Variants in SDK1 observed in about 807,000 individuals in gnomAD.
The protein encoded by SDK1 is sidekick cell adhesion molecule 1, also known as protein sidekick-1.
SDK1 carries 157 observed loss-of-function variants against 245.5 expected under a neutral mutation model. The observed-to-expected ratio is 0.64, with a 90% CI of 0.56 to 0.73. The LOEUF is 0.73. Among genes scored for constraint, SDK1 ranks in the 30% least tolerant of loss-of-function variants. SDK1 has a pLI of 0.00. For synonymous variants in SDK1, 1,647 were observed against 1,278.5 expected (o/e 1.29, Z -6.15); for missense variants, 3,583 against 3,002.3 (o/e 1.19, Z -4.52).
rs146032449 is a variant in SDK1 at position 3,642,470 on chromosome 7, C to T, written c.713+365C>T. Reference sequence around the variant, plus strand: ...TTTAATGAGTGCTGGTATTTACTTACAGTGCTGTGGGGTTTTTTTTCCCCC... The same window carrying T: ...TTTAATGAGTGCTGGTATTTACTTATAGTGCTGTGGGGTTTTTTTTCCCCC... On this transcript the variant is annotated intron_variant, in intron 4 of 44. Coordinates refer to ENST00000404826, the MANE Select transcript of SDK1 (RefSeq NM_152744.4). Among the ~76,000 whole-genome samples, 272 of 152,262 alleles carry T rather than the reference C, an allele frequency of 1.8e-3. 1 individual carries two copies. The highest frequency in any genetic ancestry group is 6.2e-3 in the African/African-American group (258 of 41,566).
chr7:3,622,540 A>G (rs369552098), intron 2 of SDK1, among the ~76,000 whole-genome samples: 2 of 152,190 alleles, frequency 1.3e-5, no homozygotes, highest in Admixed American at 6.5e-5. Context: ...AAAGTGTACA[A>G]AAAACTGTTA....
chr7:3,986,110 T>C (rs931202534), intron 13 of SDK1, among the ~76,000 whole-genome samples: 6 of 152,140 alleles, frequency 3.9e-5, no homozygotes, highest in Admixed American at 2.0e-4. Flanking sequence ...CCCGGGCAGC[T>C]CATGGTTTTA....
chr7:4,168,031 A>G (rs984081568), intron 32 of SDK1, among the ~76,000 whole-genome samples: 23 of 152,358 alleles, frequency 1.5e-4, no homozygotes, highest in Admixed American at 9.1e-4. Flanking sequence ...GGTTAATCCC[A>G]AAGTCCAGGA....
At chr7:3,717,414 A>G (rs182305875) in intron 4 of SDK1, among the ~76,000 whole-genome samples, 14 of 152,358 alleles carry the variant, frequency 9.2e-5, no homozygotes, top group East Asian at 7.7e-4. Context: ...GCAAAACACC[A>G]TAATTTGGCA....
chr7:4,222,072 A>C lies in SDK1; in HGVS notation c.5827+708A>C, dbSNP rs1344581070. Among the ~76,000 whole-genome samples the C allele has an allele frequency of 3.3e-5, 5 of 152,180 alleles. No individual in the cohort carries two copies. The South Asian group carries it at 1.0e-3, about 32-fold the overall frequency. On this transcript the variant is annotated intron_variant, in intron 40 of 44. Coordinates refer to ENST00000404826, the MANE Select transcript of SDK1 (RefSeq NM_152744.4). ...GAACATCTGAGCATGAAAATATGTG[A>C]TGTGTCAGGGACGCTATTCAGGAAG...
At chr7:3,531,303 C>G (rs1008177185) in intron 1 of SDK1, among the ~76,000 whole-genome samples, 1 of 151,950 alleles carries the variant, frequency 6.6e-6, no homozygotes, top group African/African-American at 2.4e-5. Context: ...CTTTATTTAC[C>G]CTTGGTTTTG....
chr7:3,833,922 A>G (rs1393236711), intron 5 of SDK1, among the ~76,000 whole-genome samples: 3 of 152,196 alleles, frequency 2.0e-5, no homozygotes, highest in Non-Finnish European at 2.9e-5. Context: ...AAGGATGGAT[A>G]TTAAGCCATG....
At chr7:3,351,846 A>G (rs1428984397) in intron 1 of SDK1, among the ~76,000 whole-genome samples, 1 of 152,150 alleles carries the variant, frequency 6.6e-6, no homozygotes, top group Non-Finnish European at 1.5e-5. Flanking sequence ...AAATCTTAGG[A>G]TATGGAAGAC....
chr7:3,733,468 C>T (rs1779235811), intron 4 of SDK1, among the ~76,000 whole-genome samples: 1 of 152,200 alleles, frequency 6.6e-6, no homozygotes, highest in Admixed American at 6.5e-5. Flanking sequence ...ATACAGTCTT[C>T]TATCCAGGGC....
At position 3,707,227 on chromosome 7, in the gene SDK1, A is replaced by G. The variant is rs371855537; in HGVS notation, c.713+65122A>G. Among the ~76,000 whole-genome samples, 66 of 152,282 alleles carry G rather than the reference A, an allele frequency of 4.3e-4. 1 individual carries two copies. The highest frequency in any genetic ancestry group is 1.3e-3 in the African/African-American group (56 of 41,562). On this transcript the variant is annotated intron_variant, in intron 4 of 44. Coordinates refer to ENST00000404826, the MANE Select transcript of SDK1 (RefSeq NM_152744.4). ...TTTCTCTTAGCATTGCTTTTGCTGT[A>G]TCCAAGAAGTTTTGATAACTTGTGT...
intron 4 of SDK1, among the ~76,000 whole-genome samples, chr7:3,796,835 G>A (rs1778972508): frequency 1.3e-5 from 2 of 152,014 alleles, no homozygotes; most frequent in South Asian, 4.2e-4. Flanking sequence ...TTTTTAAAGA[G>A]ACTAAAGTTA....
chr7:3,899,506 G>C (rs1484988796), intron 5 of SDK1, among the ~76,000 whole-genome samples: 1 of 152,198 alleles, frequency 6.6e-6, no homozygotes, highest in Non-Finnish European at 1.5e-5. Flanking sequence ...CTACAGCATT[G>C]GTGGGAAGAC....
intron 5 of SDK1, among the ~76,000 whole-genome samples, chr7:3,875,136 G>C (rs1781044838): frequency 6.6e-6 from 1 of 152,192 alleles, no homozygotes; most frequent in Non-Finnish European, 1.5e-5. Flanking sequence ...GTCTGTCCCA[G>C]ATAAGCAAAT....
At chr7:4,247,815 G>A (rs1786993012) in intron 44 of SDK1, among the ~76,000 whole-genome samples, 1 of 152,158 alleles carries the variant, frequency 6.6e-6, no homozygotes, top group South Asian at 2.1e-4. Flanking sequence ...AGGTTGTCCA[G>A]CAGGCGGCTG....
chr7:4,069,089 AAAT>A (rs1780079729), intron 20 of SDK1, among the ~76,000 whole-genome samples: 1 of 152,202 alleles, frequency 6.6e-6, no homozygotes, highest in Non-Finnish European at 1.5e-5. Context: ...TTCAAAAAAA[AAAT>A]CTTGGTTTGA....
At chr7:3,579,985 C>T (rs1251369174) in intron 1 of SDK1, among the ~76,000 whole-genome samples, 1 of 152,124 alleles carries the variant, frequency 6.6e-6, no homozygotes, top group Non-Finnish European at 1.5e-5. Context: ...ATTAGCATTC[C>T]TATACACCAA....
chr7:3,447,032 A>G (rs1211369270), intron 1 of SDK1, among the ~76,000 whole-genome samples: 2 of 152,166 alleles, frequency 1.3e-5, no homozygotes, highest in African/African-American at 4.8e-5. Flanking sequence ...TTAGGTTTCT[A>G]TTTTTGTGCA....
chr7:3,508,167 A>G (rs1474916074), intron 1 of SDK1, among the ~76,000 whole-genome samples: 1 of 149,978 alleles, frequency 6.7e-6, no homozygotes, highest in East Asian at 2.0e-4. Context: ...ATTACCATCC[A>G]GAAGCTGGTG....
chr7:3,722,915 C>G (rs1348089096), intron 4 of SDK1, among the ~76,000 whole-genome samples: 1 of 152,198 alleles, frequency 6.6e-6, no homozygotes, highest in African/African-American at 2.4e-5. Flanking sequence ...GGAGAGCCAG[C>G]CTGAATCCTT....
Sources: gnomAD v4.1 joint callset for allele counts (sites outside exome capture counted in the v4.1 genomes callset) on GRCh38, gnomAD v4.1.1 for gene constraint, MANE v1.5 for transcripts, NCBI Gene and HGNC (gene_info 2026-07-23, HGNC 2026-07-21) for gene names.